The following ZNF541 variants were observed in gnomAD, a reference collection of about 807,000 sequenced individuals.
ZNF541 encodes the protein zinc finger protein 541.
In ZNF541, 23 loss-of-function variants were observed where a neutral mutation model predicts 123.5. The ratio of observed to expected loss-of-function variants is 0.19; its 90% CI spans 0.13 to 0.26. ZNF541 has a LOEUF of 0.26. Ranked by LOEUF, ZNF541 falls within the 10% of genes least tolerant of loss-of-function variation. The pLI is 1.00. For synonymous variants in ZNF541, 751 were observed against 754.5 expected, an observed-to-expected ratio of 1.00 and a Z score of 0.08; for missense variants, 1,612 against 1,789.9, an observed-to-expected ratio of 0.90 and a Z score of 1.79.
At chr19:47,532,086 G>T (rs1247497286) in intron 11 of ZNF541, 42 bp downstream of exon 11, 2 of 1,545,244 alleles carry the variant, frequency 1.3e-6, no homozygotes, top group Non-Finnish European at 1.7e-6. Flanking sequence ...AATGGAGGGG[G>T]AAGAAGGGCC....
chr19:47,549,588 G>A, intron 3 of ZNF541, 103 bp from the exon 4 acceptor site: 1 of 1,477,624 alleles, frequency 6.8e-7, no homozygotes, highest in Non-Finnish European at 9.1e-7. Context: ...GGCCTTGTAA[G>A]TGTTGCGCGA....
Position 47,522,840 on chromosome 19 carries a change from G to A in ZNF541, c.3571-846C>T, listed in dbSNP as rs1042226486. Among the ~76,000 whole-genome samples the A allele has an allele frequency of 6.7e-5, 10 of 149,186 alleles. No homozygotes were observed. The South Asian group carries it at 1.1e-3, about 16-fold the overall frequency. ...TGGCTCACTGCAACCTCCGCCTCCC[G>A]GGTCCAAGTGATTCTCCTGCCTCAG... On this transcript the variant is annotated intron_variant, in intron 14 of 16. Coordinates refer to ENST00000391901, the MANE Select transcript of ZNF541 (RefSeq NM_001277075.3).
Position 47,544,689 on chromosome 19 carries a change from C to A in ZNF541, c.1840G>T (p.Gly614Cys). ...LAPAVDSLHA[G>C]PGNPEAEGSP... Reference sequence around the variant, plus strand: ...CCCTCTGCCTCGGGGTTTCCAGGGCCGGCGTGGAGAGAGTCCACAGCAGGA... The same window carrying A: ...CCCTCTGCCTCGGGGTTTCCAGGGCAGGCGTGGAGAGAGTCCACAGCAGGA... The change falls in exon 5 of 17, where the codon GGC (glycine) becomes TGC (cysteine). Residue 614 changes from glycine (G) to cysteine (C), a missense_variant. Coordinates refer to ENST00000391901, the MANE Select transcript of ZNF541 (RefSeq NM_001277075.3). 6.6e-7 allele frequency: 1 copy of A among 1,522,336 alleles called. No homozygotes were observed. Among genetic ancestry groups the A allele is most frequent in the Non-Finnish European group, 8.8e-7 (1 of 1,136,628 alleles). 94.3% of individuals were successfully genotyped at this position (1,522,336 alleles called of 1,614,324 possible). A position where few individuals can be genotyped will look rare whatever the true frequency, so the allele number is the denominator to read the frequency against.
At chr19:47,547,713 C>T (rs1243252684) in intron 4 of ZNF541, among the ~76,000 whole-genome samples, 2 of 152,174 alleles carry the variant, frequency 1.3e-5, no homozygotes, top group Non-Finnish European at 2.9e-5. Context: ...GTACTTTCAT[C>T]TCCCACTTGC....
At chr19:47,529,714 CT>C (rs1425766887) in intron 12 of ZNF541, 62 bp from the exon 13 acceptor site, 1 of 1,432,092 alleles carries the variant, frequency 7.0e-7, no homozygotes, top group African/African-American at 1.4e-5. Flanking sequence ...CACAGGCATC[CT>C]CCCATTCATC....
At chr19:47,529,475 C>T (rs1455271182) in intron 13 of ZNF541, 102 bp downstream of exon 13, 25 of 1,232,322 alleles carry the variant, frequency 2.0e-5, no homozygotes, top group East Asian at 5.1e-5. Flanking sequence ...GCAAAGGTCC[C>T]GAGGAGAACT....
intron 14 of ZNF541, among the ~76,000 whole-genome samples, chr19:47,524,988 A>T (rs1459069260): frequency 6.6e-6 from 1 of 152,126 alleles, no homozygotes; most frequent in Non-Finnish European, 1.5e-5. Context: ...TGTTGTTAGA[A>T]TGTCAACTCT....
At chr19:47,530,695 G>A (rs1323984568) in intron 12 of ZNF541, among the ~76,000 whole-genome samples, 4 of 151,704 alleles carry the variant, frequency 2.6e-5, no homozygotes, top group Non-Finnish European at 4.4e-5. Context: ...TGCCCAGGCT[G>A]GAGTGCAGTG....
At chr19:47,548,442 C>CAAAAAAAAAAAAAAAA (rs574466068) in intron 4 of ZNF541, among the ~76,000 whole-genome samples, 1 of 60,360 alleles carries the variant, frequency 1.7e-5, no homozygotes. Context: ...GACTCCATCT[C>CAAAAAAAAAAAAAAAA]AAAAAAAAAA....
At chr19:47,552,364 C>T (rs1970633788) in intron 3 of ZNF541, among the ~76,000 whole-genome samples, 1 of 152,072 alleles carries the variant, frequency 6.6e-6, no homozygotes, top group Non-Finnish European at 1.5e-5. Flanking sequence ...GACTCTCCTC[C>T]CAATCCTGCC....
chr19:47,536,203 C>A (rs1425371168), intron 9 of ZNF541, among the ~76,000 whole-genome samples: 3 of 152,338 alleles, frequency 2.0e-5, no homozygotes, highest in South Asian at 4.1e-4. Flanking sequence ...GGTAAATCCA[C>A]AACCTTCCAG....
rs1017958923 is a variant in ZNF541, at chr19:47,544,902, G to A, written c.1627C>T (p.Leu543Phe). Residue 543 changes from leucine to phenylalanine, a missense_variant, in exon 5 of 17, where the codon CTC becomes TTC. By Grantham distance (22) the Leu-to-Phe change is conservative. Around this residue, in one of 5 missense-constraint regions of ZNF541, gnomAD observed 1,080 missense variants for 1,013.8 expected, o/e 1.07. Coordinates refer to ENST00000391901, the MANE Select transcript of ZNF541 (RefSeq NM_001277075.3). ...CTCACAAGAGGTTCCTGCGACTTGA[G>A]GAAGAGCTGGCGGAAGAGCGGCGAG... ...DASPLFRQLF[L>F]KSQEPLVSHE... 3.3e-6 allele frequency: 5 copies of A among 1,535,906 alleles called. No individual in the cohort carries two copies. The African/African-American group carries it at 5.5e-5, about 17-fold the overall frequency.
At chr19:47,563,250 T>C (rs1316455340) in intron 2 of ZNF541, among the ~76,000 whole-genome samples, 2 of 152,184 alleles carry the variant, frequency 1.3e-5, no homozygotes, top group Admixed American at 6.5e-5. Flanking sequence ...TGTAAATCAA[T>C]GCATACCCCG....
Position 47,555,917 on chromosome 19 carries a change from G to T in ZNF541, c.-61C>A. 1 of 1,463,776 alleles carries T rather than the reference G, an allele frequency of 6.8e-7. No individual in the cohort carries two copies. 90.7% of individuals were successfully genotyped at this position (1,463,776 alleles called of 1,614,324 possible). A position where few individuals can be genotyped will look rare whatever the true frequency, so the allele number is the denominator to read the frequency against. On this transcript the variant is annotated 5_prime_UTR_variant, in exon 3 of 17. Transcript: ENST00000391901. Reference sequence around the variant, plus strand: ...CTCCAGATAAGCAAAACCATGTAAGGAGACAGGGAGGAGAGAGCCCTTGAT... The same window carrying T: ...CTCCAGATAAGCAAAACCATGTAAGTAGACAGGGAGGAGAGAGCCCTTGAT...
At position 47,571,881 on chromosome 19, in the gene ZNF541, A is replaced by G. The variant is rs1429713160; in HGVS notation, c.-99+15T>C. On this transcript the variant is annotated intron_variant, in intron 2 of 16. Transcript: ENST00000391901. ...AGCAGGTGTCTTTGGCTCAGTGCAAAGGAAGGAAACTCACCAGAAGAGCAA... is the reference window on the plus strand; with the variant it reads ...AGCAGGTGTCTTTGGCTCAGTGCAAGGGAAGGAAACTCACCAGAAGAGCAA... Among the ~76,000 whole-genome samples the G allele has an allele frequency of 1.3e-5, 2 of 152,240 alleles. No homozygotes were observed. The highest frequency in any genetic ancestry group is 3.8e-4 in the East Asian group (2 of 5,206).
At chr19:47,529,692 G>T in intron 12 of ZNF541, 40 bp from the exon 13 acceptor site, 1 of 1,533,494 alleles carries the variant, frequency 6.5e-7, no homozygotes, top group East Asian at 2.4e-5. Context: ...GGACCAGGTG[G>T]GGGAAGAGGA....
intron 14 of ZNF541, among the ~76,000 whole-genome samples, chr19:47,526,472 A>C: frequency 7.2e-6 from 1 of 138,836 alleles, no homozygotes; most frequent in African/African-American, 2.9e-5. Context: ...ACAGAGTGAG[A>C]CTCCATCTCA....
At chr19:47,554,807 T>C (rs752243360) in intron 3 of ZNF541, among the ~76,000 whole-genome samples, 2 of 152,116 alleles carry the variant, frequency 1.3e-5, no homozygotes, top group African/African-American at 2.4e-5. Context: ...TTACTAAGAA[T>C]TGGGGGCCGA....
intron 4 of ZNF541, 99 bp from the exon 5 acceptor site, chr19:47,546,079 AC>A: frequency 9.5e-7 from 1 of 1,054,158 alleles, no homozygotes; most frequent in Non-Finnish European, 1.3e-6. Context: ...GTACAGTTGC[AC>A]CACAATTCAG....
Sources: gnomAD v4.1 joint callset for allele counts (sites outside exome capture counted in the v4.1 genomes callset) on GRCh38, gnomAD v4.1.1 for gene constraint, gnomAD v4.1.1 regional missense constraint, MANE v1.5 for transcripts, NCBI Gene and HGNC (gene_info 2026-07-23, HGNC 2026-07-21) for gene names.